Variants in OR51E1 observed in about 807,000 individuals in gnomAD.
OR51E1 encodes olfactory receptor family 51 subfamily E member 1, also known as olfactory receptor 51E1.
Under a neutral mutation model 11.5 loss-of-function variants are expected in OR51E1, and 9 were observed. The ratio of observed to expected loss-of-function variants is 0.78; its 90% CI spans 0.47 to 1.37. The LOEUF (loss-of-function observed/expected upper bound fraction) is 1.37. Ranked by LOEUF, OR51E1 falls within the 40% of genes most tolerant of loss-of-function variation. The pLI is 0.00. For missense variants in OR51E1, 397 were observed against 410.2 expected (o/e 0.97, Z 0.28); for synonymous variants, 168 against 158.3 (o/e 1.06, Z -0.46).
chr11:4,650,291 A>C lies in OR51E1; in HGVS notation c.-39-2197A>C, dbSNP rs183477602. ...TTGGAGAGGAGAGTGAAGATCCAGAAACGAAACCAATAATTAGTGATTAGA... is the reference window on the plus strand; with the variant it reads ...TTGGAGAGGAGAGTGAAGATCCAGACACGAAACCAATAATTAGTGATTAGA... On this transcript the variant is annotated intron_variant, in intron 1 of 1. Transcript: ENST00000396952. Among the ~76,000 whole-genome samples the C allele has an allele frequency of 7.2e-5, 11 of 152,264 alleles. No individual in the cohort carries two copies. In the East Asian group the frequency reaches 2.1e-3, roughly 29 times the overall value.
chr11:4,651,151 A>G (rs1376437253), intron 1 of OR51E1, among the ~76,000 whole-genome samples: 1 of 152,198 alleles, frequency 6.6e-6, no homozygotes, highest in Non-Finnish European at 1.5e-5. Context: ...TTTTATAGTC[A>G]GATTCAGTTT....
chr11:4,650,620 C>T (rs1264279590), intron 1 of OR51E1, among the ~76,000 whole-genome samples: 2 of 152,158 alleles, frequency 1.3e-5, no homozygotes, highest in African/African-American at 2.4e-5. Flanking sequence ...ATTTGTGACA[C>T]ACCCTGAGCC....
At chr11:4,650,072 T>A (rs1052438443) in intron 1 of OR51E1, among the ~76,000 whole-genome samples, 2 of 152,228 alleles carry the variant, frequency 1.3e-5, no homozygotes, top group African/African-American at 4.8e-5. Flanking sequence ...GAGAGTTTGA[T>A]GTAGTTGAAA....
chr11:4,644,140 G>T (rs949242288), intron 1 of OR51E1, 110 bp downstream of exon 1: 2 of 152,924 alleles, frequency 1.3e-5, no homozygotes, highest in African/African-American at 4.8e-5. Context: ...AGAACCAGAA[G>T]TGGGAGATGT....
chr11:4,649,601 G>C (rs997502433), intron 1 of OR51E1, among the ~76,000 whole-genome samples: 3 of 152,066 alleles, frequency 2.0e-5, no homozygotes, highest in Non-Finnish European at 4.4e-5. Flanking sequence ...GAGTTTCAAG[G>C]GTATTTTTTA....
chr11:4,652,766 C>T lies in OR51E1; in HGVS notation c.240C>T (p.Ser80=), dbSNP rs1303419363. ...SGIDILISTS[S]MPKMLAIFWF... ...TTGACATCCTCATCTCCACCTCATC[C>T]ATGCCCAAAATGCTGGCCATCTTCT... The change falls in exon 2 of 2, where the codon TCC becomes TCT. Residue 80 remains serine (S), a synonymous_variant. Transcript: ENST00000396952. The T allele has an allele frequency of 1.2e-6, 2 of 1,614,114 alleles. No individual in the cohort carries two copies. Among genetic ancestry groups the T allele is most frequent in the South Asian group, 2.2e-5 (2 of 91,082 alleles).
At position 4,653,390 on chromosome 11, in the gene OR51E1, G is replaced by T. The variant is rs770548041; in HGVS notation, c.864G>T (p.Val288=). ...LANIYLLVPP[V]LNPIVYGVKT... Reference sequence around the variant, plus strand: ...ATATCTATCTGCTGGTTCCTCCTGTGCTCAACCCAATTGTCTATGGAGTGA... The same window carrying T: ...ATATCTATCTGCTGGTTCCTCCTGTTCTCAACCCAATTGTCTATGGAGTGA... Residue 288 remains valine, a synonymous_variant, in exon 2 of 2, where the codon GTG becomes GTT. Transcript: ENST00000396952. The T allele has an allele frequency of 1.2e-6, 2 of 1,614,070 alleles. No homozygotes were observed. Among genetic ancestry groups the T allele is most frequent in the Non-Finnish European group, 1.7e-6 (2 of 1,179,988 alleles).
chr11:4,650,099 C>T (rs1381119034), intron 1 of OR51E1, among the ~76,000 whole-genome samples: 2 of 152,090 alleles, frequency 1.3e-5, no homozygotes, highest in Non-Finnish European at 2.9e-5. Flanking sequence ...TAGGTGAACC[C>T]TTTTAGTAAG....
rs1185398702 is a variant in OR51E1 at position 4,653,086 on chromosome 11, T to C, written c.560T>C (p.Val187Ala). ...LSHSYCLHQD[V>A]MKLACDDIRV... ...CATTCCTACTGCCTACACCAAGATG[T>C]CATGAAGCTGGCCTGTGATGATATC... is the stretch of plus-strand genomic sequence containing the variant. The change falls in exon 2 of 2, where the codon GTC becomes GCC. Residue 187 changes from valine to alanine, a missense_variant. Transcript: ENST00000396952. 1 of 1,614,096 alleles carries C rather than the reference T, an allele frequency of 6.2e-7. No homozygotes were observed. Among genetic ancestry groups the C allele is most frequent in the African/African-American group, 1.3e-5 (1 of 75,046 alleles).
At chr11:4,646,476 A>G (rs905539909) in intron 1 of OR51E1, among the ~76,000 whole-genome samples, 2 of 152,214 alleles carry the variant, frequency 1.3e-5, no homozygotes, top group African/African-American at 4.8e-5. Context: ...CTGTAAAGCA[A>G]TGGATTTAGC....
chr11:4,647,193 A>G (rs190687992), intron 1 of OR51E1, among the ~76,000 whole-genome samples: 18 of 152,352 alleles, frequency 1.2e-4, no homozygotes, highest in African/African-American at 3.4e-4. Context: ...AGTTTCTGTC[A>G]TTTTGTAGGT....
At chr11:4,650,651 T>A (rs1198645469) in intron 1 of OR51E1, among the ~76,000 whole-genome samples, 2 of 152,188 alleles carry the variant, frequency 1.3e-5, no homozygotes, top group Admixed American at 1.3e-4. Context: ...CTTCTGATGC[T>A]GGCCATGAAT....
intron 1 of OR51E1, among the ~76,000 whole-genome samples, chr11:4,649,012 G>A (rs1847062527): frequency 6.6e-6 from 1 of 151,990 alleles, no homozygotes; most frequent in Non-Finnish European, 1.5e-5. Flanking sequence ...CAGATAACAG[G>A]CAGTCTTAAC....
Position 4,653,171 on chromosome 11 carries a change from T to A in OR51E1, c.645T>A (p.Leu215=), listed in dbSNP as rs1298091817. The part of the protein sequence containing the change: ...VIISAIGLDS[L]LISFSYLLIL... ...TCTCCGCCATTGGCCTGGACTCACTTCTCATCTCCTTCTCATATCTGCTTA... is the reference window on the plus strand; with the variant it reads ...TCTCCGCCATTGGCCTGGACTCACTACTCATCTCCTTCTCATATCTGCTTA... Residue 215 remains leucine, a synonymous_variant, in exon 2 of 2, where the codon CTT becomes CTA. Coordinates refer to ENST00000396952, the MANE Select transcript of OR51E1 (RefSeq NM_152430.4). The A allele has an allele frequency of 6.2e-7, 1 of 1,613,890 alleles. No individual in the cohort carries two copies. The highest frequency in any genetic ancestry group is 8.5e-7 in the Non-Finnish European group (1 of 1,179,788).
chr11:4,650,695 G>C (rs1847083669), intron 1 of OR51E1, among the ~76,000 whole-genome samples: 1 of 152,114 alleles, frequency 6.6e-6, no homozygotes, highest in African/African-American at 2.4e-5. Flanking sequence ...CTGGTAACCA[G>C]TGCAGAAACC....
chr11:4,648,144 AT>A (rs1330222712), intron 1 of OR51E1, among the ~76,000 whole-genome samples: 1 of 152,154 alleles, frequency 6.6e-6, no homozygotes, highest in Non-Finnish European at 1.5e-5. Context: ...CCAGGCTGAT[AT>A]TTTAGCCCCA....
Position 4,653,044 on chromosome 11 carries a change from G to T in OR51E1, c.518G>T (p.Arg173Leu), listed in dbSNP as rs373802571. Residue 173 changes from arginine to leucine, a missense_variant, in exon 2 of 2, where the codon CGC (arginine) becomes CTC (leucine). Physicochemically the swap from Arg to Leu is moderately radical, Grantham distance 102 (BLOSUM62 -2). Coordinates refer to ENST00000396952, the MANE Select transcript of OR51E1 (RefSeq NM_152430.4). ...TTCATCAAGCAGCTGCCCTTCTGCC[G>T]CTCCAATATCCTTTCCCATTCCTAC... is the stretch of plus-strand genomic sequence containing the variant. ...PVFIKQLPFC[R>L]SNILSHSYCL... is the part of the protein sequence containing the mutation. 6.2e-7 allele frequency: 1 copy of T among 1,612,402 alleles called. No homozygotes were observed. The highest frequency in any genetic ancestry group is 1.7e-5 in the Admixed American group (1 of 59,978).
chr11:4,654,594 T>A lies in OR51E1; in HGVS notation c.*1111T>A. On this transcript the variant is annotated 3_prime_UTR_variant, in exon 2 of 2. Coordinates refer to ENST00000396952, the MANE Select transcript of OR51E1 (RefSeq NM_152430.4). ...GAGGTTAGGGAGCCACCAGTTATGA[T>A]GGGAAGTATGGAATGGCAGGTCTTG... 1 of 167,298 alleles carries A rather than the reference T, an allele frequency of 6.0e-6. No homozygotes were observed. 10.4% of individuals were successfully genotyped at this position (167,298 alleles called of 1,614,324 possible).
intron 1 of OR51E1, among the ~76,000 whole-genome samples, chr11:4,644,768 G>A (rs1444137952): frequency 6.6e-6 from 1 of 152,042 alleles, no homozygotes; most frequent in Admixed American, 6.6e-5. Flanking sequence ...GATAAGTTCT[G>A]TTGCTGAAAT....
Sources: allele counts gnomAD v4.1 joint callset (sites outside exome capture counted in the v4.1 genomes callset), GRCh38; gene constraint gnomAD v4.1.1; transcripts MANE v1.5; gene names NCBI Gene and HGNC (gene_info 2026-07-23, HGNC 2026-07-21).